The following ZNF532 variants were observed in gnomAD, a reference collection of about 807,000 sequenced individuals.
ZNF532 encodes zinc finger protein 532.
In ZNF532, 22 loss-of-function variants were observed where a neutral mutation model predicts 89.3. The observed-to-expected ratio is 0.25, with a 90% CI of 0.18 to 0.35. The LOEUF is 0.35. ZNF532 is among the 10% of genes least tolerant of loss of function. The pLI, the probability that ZNF532 is intolerant of heterozygous loss-of-function variation, is 1.00. For synonymous variants in ZNF532, 606 were observed against 649.6 expected (o/e 0.93, Z 1.02); for missense variants, 1,132 against 1,643.4 (o/e 0.69, Z 5.38).
At chr18:58,947,940 G>C in intron 5 of ZNF532, 127 bp from the exon 6 acceptor site, 7 of 812,796 alleles carry the variant, frequency 8.6e-6, no homozygotes, top group Non-Finnish European at 1.3e-5. Flanking sequence ...GCTAATCGTT[G>C]TTCTATTTAT....
chr18:58,890,279 T>C (rs1349688975), intron 2 of ZNF532, among the ~76,000 whole-genome samples: 1 of 151,658 alleles, frequency 6.6e-6, no homozygotes, highest in African/African-American at 2.4e-5. Context: ...CATACATATA[T>C]ATATATACAC....
Position 58,920,370 on chromosome 18 carries a change from T to A in ZNF532, c.2083T>A (p.Ser695Thr). Reference protein sequence around the residue: ...VPADQMIVSPSSNTSTSTSTL... With the variant: ...VPADQMIVSPTSNTSTSTSTL... Reference sequence around the variant, plus strand: ...AGCAGATCAAATGATAGTTTCTCCGTCAAGCAATACTTCCACTTCAACTTC... The same window carrying A: ...AGCAGATCAAATGATAGTTTCTCCGACAAGCAATACTTCCACTTCAACTTC... Residue 695 changes from serine (S) to threonine (T), a missense_variant, in exon 3 of 10, where the codon TCA becomes ACA. Ser to Thr is a moderately conservative substitution (Grantham distance 58). Coordinates refer to ENST00000591808, the MANE Select transcript of ZNF532 (RefSeq NM_001375912.1). The A allele has an allele frequency of 1.2e-6, 2 of 1,613,966 alleles. No individual in the cohort carries two copies. The highest frequency in any genetic ancestry group is 1.7e-6 in the Non-Finnish European group (2 of 1,179,868).
At chr18:58,951,155 G>A (rs532073699) in intron 6 of ZNF532, among the ~76,000 whole-genome samples, 4 of 152,142 alleles carry the variant, frequency 2.6e-5, no homozygotes, top group Non-Finnish European at 5.9e-5. Flanking sequence ...TAGAGACAGG[G>A]TTTCACTAGT....
upstream of ZNF532, chr18:58,864,758 G>T (rs1384325258): frequency 6.6e-6 from 1 of 152,298 alleles, no homozygotes; most frequent in African/African-American, 2.4e-5. Context: ...GATTTTCAGG[G>T]ACTTGTTGGC....
intron 3 of ZNF532, 38 bp from the exon 4 acceptor site, chr18:58,934,395 A>AGT: frequency 6.3e-7 from 1 of 1,593,452 alleles, no homozygotes. Context: ...GAAAGTACTT[A>AGT]GTAGGACCAA....
chr18:58,899,472 T>G (rs2059460157), intron 2 of ZNF532, among the ~76,000 whole-genome samples: 1 of 152,082 alleles, frequency 6.6e-6, no homozygotes, highest in African/African-American at 2.4e-5. Flanking sequence ...TTTTATTTAT[T>G]TATTTATTTT....
intron 2 of ZNF532, among the ~76,000 whole-genome samples, chr18:58,899,383 T>A (rs2059453823): frequency 1.3e-5 from 2 of 152,240 alleles, no homozygotes; most frequent in Non-Finnish European, 2.9e-5. Context: ...TTGGATTGTC[T>A]CCTTTTGTCT....
intron 7 of ZNF532, among the ~76,000 whole-genome samples, chr18:58,965,149 T>C (rs1249595178): frequency 6.6e-6 from 1 of 152,136 alleles, no homozygotes. Context: ...AGGCTATAAA[T>C]GTGTTGTAAA....
chr18:58,938,424 T>C (rs1290428331), intron 4 of ZNF532, among the ~76,000 whole-genome samples: 1 of 152,216 alleles, frequency 6.6e-6, no homozygotes, highest in African/African-American at 2.4e-5. Flanking sequence ...TTTGTTGGAT[T>C]ATATTTGAGC....
intron 2 of ZNF532, among the ~76,000 whole-genome samples, chr18:58,867,483 G>T (rs1602433781): frequency 6.6e-6 from 1 of 151,452 alleles, no homozygotes; most frequent in Non-Finnish European, 1.5e-5. Context: ...TAACAATGTA[G>T]CAGGCCCAGG....
intron 3 of ZNF532, chr18:58,932,418 A>G (rs1252483900): frequency 6.6e-6 from 1 of 152,070 alleles, no homozygotes; most frequent in Non-Finnish European, 1.5e-5. Context: ...TTTTCTTTCC[A>G]TTTTCTACCG....
At chr18:58,883,462 A>G (rs1211464874) in intron 2 of ZNF532, among the ~76,000 whole-genome samples, 1 of 152,132 alleles carries the variant, frequency 6.6e-6, no homozygotes, top group Non-Finnish European at 1.5e-5. Context: ...CACTCCCTCA[A>G]TTAATGGGAG....
intron 2 of ZNF532, among the ~76,000 whole-genome samples, chr18:58,879,028 G>A (rs1235071475): frequency 1.3e-5 from 2 of 152,172 alleles, no homozygotes; most frequent in African/African-American, 2.4e-5. Context: ...CAGTTCTCAA[G>A]GCCAAAAATC....
At chr18:58,866,115 C>T (rs1044496723) in intron 2 of ZNF532, among the ~76,000 whole-genome samples, 9 of 152,108 alleles carry the variant, frequency 5.9e-5, no homozygotes, top group South Asian at 4.2e-4. Flanking sequence ...GGGCTGTTGA[C>T]GGTGAGTTCG....
chr18:58,942,074 G>A lies in ZNF532; in HGVS notation c.2705+2453G>A, dbSNP rs535635020. ...GTCTCGCTGTGTCGCCCAGGCTGGAGTGCAGTGGCACGATCTCAGCTCACT... is the reference window on the plus strand; with the variant it reads ...GTCTCGCTGTGTCGCCCAGGCTGGAATGCAGTGGCACGATCTCAGCTCACT... On this transcript the variant is annotated intron_variant, in intron 5 of 9. Transcript: ENST00000591808. Among the ~76,000 whole-genome samples, 177 of 143,982 alleles carry A rather than the reference G, an allele frequency of 1.2e-3. 2 individuals are homozygous for A. Among genetic ancestry groups the A allele is most frequent in the Non-Finnish European group, 2.2e-3 (146 of 66,228 alleles). 94.5% of individuals were successfully genotyped at this position (143,982 alleles called of 152,430 possible).
intron 2 of ZNF532, among the ~76,000 whole-genome samples, chr18:58,881,226 G>A (rs1161712191): frequency 1.3e-5 from 2 of 151,694 alleles, no homozygotes; most frequent in Non-Finnish European, 2.9e-5. Flanking sequence ...CTGCCTCCTG[G>A]GTTCAAGTGA....
At chr18:58,891,215 G>A (rs572240145) in intron 2 of ZNF532, among the ~76,000 whole-genome samples, 21 of 151,678 alleles carry the variant, frequency 1.4e-4, no homozygotes, top group Non-Finnish European at 2.8e-4. Context: ...CACTGCGCCC[G>A]GCCTCTCTCT....
chr18:58,897,679 G>A (rs569480194), intron 2 of ZNF532, among the ~76,000 whole-genome samples: 9 of 152,298 alleles, frequency 5.9e-5, no homozygotes, highest in South Asian at 2.1e-4. Flanking sequence ...TTGGCTGGGC[G>A]CGGTGGCTCA....
At chr18:58,947,083 A>G (rs2063729761) in intron 5 of ZNF532, among the ~76,000 whole-genome samples, 1 of 152,090 alleles carries the variant, frequency 6.6e-6, no homozygotes, top group Admixed American at 6.5e-5. Context: ...ACCTTTTCCT[A>G]AGCGGCTCCT....
Sources: allele counts gnomAD v4.1 joint callset (sites outside exome capture counted in the v4.1 genomes callset), GRCh38; gene constraint gnomAD v4.1.1; transcripts MANE v1.5; gene names NCBI Gene and HGNC (gene_info 2026-07-23, HGNC 2026-07-21).